Variants in CNTNAP2 observed in about 807,000 individuals in gnomAD.
CNTNAP2 encodes contactin associated protein 2.
In CNTNAP2, 98 loss-of-function variants were observed where a neutral mutation model predicts 155.2. The ratio of observed to expected loss-of-function variants is 0.63; its 90% CI spans 0.54 to 0.75. CNTNAP2 has a LOEUF of 0.75. Ranked by LOEUF, CNTNAP2 falls within the 30% of genes least tolerant of loss-of-function variation. The probability of loss-of-function intolerance (pLI) is 0.00; values close to 1 mark genes in which losing one functional copy is unlikely to be tolerated. For missense variants in CNTNAP2, 1,727 were observed against 1,688.1 expected (o/e 1.02, Z -0.40); for synonymous variants, 651 against 631.2 (o/e 1.03, Z -0.47).
intron 8 of CNTNAP2, among the ~76,000 whole-genome samples, chr7:147,160,870 A>G (rs1483915466): frequency 3.9e-5 from 6 of 152,192 alleles, no homozygotes; most frequent in African/African-American, 1.4e-4. Context: ...GAAAGAAGCA[A>G]TGAATCTGCT....
At chr7:147,245,932 T>TATATATTTATATATACAA (rs1430364993) in intron 8 of CNTNAP2, among the ~76,000 whole-genome samples, 8 of 150,700 alleles carry the variant, frequency 5.3e-5, no homozygotes, top group Non-Finnish European at 1.2e-4. Flanking sequence ...TGCACACATG[T>TATATATTTATATATACAA]ATATATTTAT....
chr7:146,327,935 T>G (rs935153411), intron 1 of CNTNAP2, among the ~76,000 whole-genome samples: 1 of 152,176 alleles, frequency 6.6e-6, no homozygotes, highest in Non-Finnish European at 1.5e-5. Flanking sequence ...AGGAAAGATT[T>G]TCACACTAGC....
intron 15 of CNTNAP2, among the ~76,000 whole-genome samples, chr7:148,079,200 T>C (rs2116543754): frequency 6.6e-6 from 1 of 152,336 alleles, no homozygotes; most frequent in East Asian, 1.9e-4. Flanking sequence ...CCCAAGGTGG[T>C]CGGGCTACAG....
intron 3 of CNTNAP2, among the ~76,000 whole-genome samples, chr7:146,905,771 A>G (rs1030295398): frequency 6.6e-6 from 1 of 152,196 alleles, no homozygotes; most frequent in Non-Finnish European, 1.5e-5. Flanking sequence ...TTAATACAAT[A>G]AAATTTGGTT....
chr7:146,817,939 A>T (rs565490349), intron 2 of CNTNAP2, among the ~76,000 whole-genome samples: 1 of 152,222 alleles, frequency 6.6e-6, no homozygotes, highest in African/African-American at 2.4e-5. Context: ...GAAATTTGTT[A>T]AAAAAAGAAT....
intron 1 of CNTNAP2, among the ~76,000 whole-genome samples, chr7:146,180,298 TTTC>T (rs1177738489): frequency 6.6e-6 from 1 of 152,036 alleles, no homozygotes; most frequent in African/African-American, 2.4e-5. Context: ...ATTTCATTTT[TTTC>T]TTTTTTTCTT....
chr7:146,245,265 A>G (rs569850956), intron 1 of CNTNAP2, among the ~76,000 whole-genome samples: 47 of 152,212 alleles, frequency 3.1e-4, no homozygotes, highest in African/African-American at 1.1e-3. Flanking sequence ...GTGGGAGGCC[A>G]GATTGAAGTC....
In CNTNAP2 at chr7:146,798,585, A is replaced by G. The variant is rs1025793588; in HGVS notation, c.208+24204A>G. ...GGTTTTGAACTCCTGGGCTCAAGCA[A>G]TCCTCCTCCCTCAGCCTCCAAAATG... On this transcript the variant is annotated intron_variant, in intron 2 of 23. Coordinates refer to ENST00000361727, the MANE Select transcript of CNTNAP2 (RefSeq NM_014141.6). 5.3e-5 allele frequency among the ~76,000 whole-genome samples: 8 copies of G among 151,968 alleles called. No homozygotes were observed. In the East Asian group the frequency reaches 5.8e-4, roughly 11 times the overall value.
intron 1 of CNTNAP2, among the ~76,000 whole-genome samples, chr7:146,494,873 A>G (rs1288525724): frequency 6.6e-6 from 1 of 152,238 alleles, no homozygotes; most frequent in East Asian, 1.9e-4. Flanking sequence ...TATGAAGGCA[A>G]TGCATCTGCA....
At chr7:146,958,862 CTTAAT>C (rs1209906421) in intron 3 of CNTNAP2, among the ~76,000 whole-genome samples, 1 of 151,900 alleles carries the variant, frequency 6.6e-6, no homozygotes, top group Admixed American at 6.6e-5. Flanking sequence ...CATTATGATT[CTTAAT>C]TTAAGCTTAA....
At chr7:147,583,495 A>C (rs1382585056) in intron 12 of CNTNAP2, among the ~76,000 whole-genome samples, 1 of 113,160 alleles carries the variant, frequency 8.8e-6, no homozygotes, top group African/African-American at 3.9e-5. Flanking sequence ...TATATATAAA[A>C]GACATGACAT....
chr7:147,504,549 C>T (rs1172268356), intron 11 of CNTNAP2, among the ~76,000 whole-genome samples: 4 of 151,464 alleles, frequency 2.6e-5, no homozygotes, highest in African/African-American at 9.7e-5. Context: ...ATTAGCTGGG[C>T]GTGGTGTTAC....
At chr7:147,879,841 G>T (rs969418118) in intron 13 of CNTNAP2, among the ~76,000 whole-genome samples, 3 of 152,210 alleles carry the variant, frequency 2.0e-5, no homozygotes, top group Non-Finnish European at 2.9e-5. Flanking sequence ...AACTGATGGG[G>T]ATGTGAGTGG....
intron 14 of CNTNAP2, among the ~76,000 whole-genome samples, chr7:147,956,065 G>T (rs1257448875): frequency 6.6e-6 from 1 of 152,126 alleles, no homozygotes; most frequent in Admixed American, 6.6e-5. Flanking sequence ...AGCCTACTTA[G>T]CTACTTGCTT....
At chr7:147,045,737 G>A (rs966388962) in intron 4 of CNTNAP2, among the ~76,000 whole-genome samples, 1 of 152,078 alleles carries the variant, frequency 6.6e-6, no homozygotes, top group Non-Finnish European at 1.5e-5. Flanking sequence ...AAGGCCAGAA[G>A]AAAATGTGAT....
chr7:148,305,307 A>G (rs1275815388), intron 21 of CNTNAP2, among the ~76,000 whole-genome samples: 4 of 144,306 alleles, frequency 2.8e-5, no homozygotes, highest in African/African-American at 5.2e-5. Flanking sequence ...TGTTTTCTTC[A>G]TTTGCTTAAT....
At chr7:146,387,679 C>G (rs542259252) in intron 1 of CNTNAP2, among the ~76,000 whole-genome samples, 10 of 152,242 alleles carry the variant, frequency 6.6e-5, no homozygotes, top group African/African-American at 2.4e-4. Flanking sequence ...TCAGGCTGTG[C>G]ACCTTCTTTT....
chr7:146,999,526 T>C (rs545702786), intron 3 of CNTNAP2, among the ~76,000 whole-genome samples: 94 of 152,172 alleles, frequency 6.2e-4, no homozygotes, highest in Admixed American at 1.8e-3. Context: ...TACTCACTGG[T>C]GTCCTTTCCT....
chr7:146,349,445 T>A (rs976340810), intron 1 of CNTNAP2, among the ~76,000 whole-genome samples: 1 of 152,212 alleles, frequency 6.6e-6, no homozygotes, highest in East Asian at 1.9e-4. Flanking sequence ...AATTGCAAAC[T>A]TATGCATCTA....
Sources: gnomAD v4.1 joint callset for allele counts (sites outside exome capture counted in the v4.1 genomes callset) on GRCh38, gnomAD v4.1.1 for gene constraint, MANE v1.5 for transcripts, NCBI Gene and HGNC (gene_info 2026-07-23, HGNC 2026-07-21) for gene names.